PAPPA2: variants seen among roughly 807,000 people sequenced by gnomAD.
PAPPA2 encodes the protein pappalysin 2, also known as pappalysin-2.
In PAPPA2, 86 loss-of-function variants were observed where a neutral mutation model predicts 176.4. That is an observed-to-expected ratio of 0.49 (90% CI 0.41 to 0.58). PAPPA2 has a LOEUF of 0.58. PAPPA2 is among the 20% of genes least tolerant of loss of function. The pLI, the probability that PAPPA2 is intolerant of heterozygous loss-of-function variation, is 0.00. For synonymous variants in PAPPA2, 809 were observed against 852.2 expected (o/e 0.95, Z 0.88); for missense variants, 2,073 against 2,256.9 (o/e 0.92, Z 1.65).
Position 176,485,786 on chromosome 1 carries a change from CA to C in PAPPA2, c.-917+22372del, listed in dbSNP as rs1201244363. 2.0e-5 allele frequency among the ~76,000 whole-genome samples: 3 copies of C among 152,026 alleles called. No homozygotes were observed. In the East Asian group the frequency reaches 5.8e-4, roughly 29 times the overall value. On this transcript the variant is annotated intron_variant, in intron 1 of 22. Transcript: ENST00000367662. ...ATTGGGAATTTGAAAATTAAACTGA[CA>C]AAAGACAGATTAACAAGAGGAAAGG...
At chr1:176,591,578 G>C (rs1418856661) in intron 2 of PAPPA2, among the ~76,000 whole-genome samples, 1 of 152,030 alleles carries the variant, frequency 6.6e-6, no homozygotes, top group African/African-American at 2.4e-5. Context: ...ATAATTATTT[G>C]ATCACTATAG....
intron 21 of PAPPA2, among the ~76,000 whole-genome samples, chr1:176,820,104 T>G (rs148250238): frequency 6.6e-6 from 1 of 151,868 alleles, no homozygotes; most frequent in South Asian, 2.1e-4. Flanking sequence ...AAACAGCAAA[T>G]AAGTCTTTGG....
chr1:176,739,924 T>G, intron 13 of PAPPA2, 56 bp from the exon 14 acceptor site: 2 of 1,594,858 alleles, frequency 1.3e-6, no homozygotes, highest in Non-Finnish European at 1.7e-6. Context: ...ATACAAGATA[T>G]GGAAACATGG....
At chr1:176,705,515 T>C (rs574138276) in intron 9 of PAPPA2, among the ~76,000 whole-genome samples, 1 of 152,120 alleles carries the variant, frequency 6.6e-6, no homozygotes, top group African/African-American at 2.4e-5. Flanking sequence ...ATTTTGAGCA[T>C]GAAAAAAGTC....
rs1187383843 is a variant in PAPPA2 at position 176,843,489 on chromosome 1, CT to C, written c.*1036del. Reference sequence around the variant, plus strand: ...CCACACATGCCTGTTCCAAGTGTGGCTGTCAGCCAGTCAACAAGTTTGTACT... The same window carrying C: ...CCACACATGCCTGTTCCAAGTGTGGCGTCAGCCAGTCAACAAGTTTGTACT... On this transcript the variant is annotated 3_prime_UTR_variant, in exon 23 of 23. Transcript: ENST00000367662. 6.6e-6 allele frequency: 1 copy of C among 152,164 alleles called. No individual in the cohort carries two copies. The highest frequency in any genetic ancestry group is 2.4e-5 in the African/African-American group (1 of 41,436). 9.4% of individuals were successfully genotyped at this position (152,164 alleles called of 1,614,324 possible).
intron 14 of PAPPA2, among the ~76,000 whole-genome samples, chr1:176,756,415 A>T (rs1321060586): frequency 2.6e-5 from 4 of 152,204 alleles, no homozygotes; most frequent in Non-Finnish European, 4.4e-5. Flanking sequence ...GCGGACTGGC[A>T]AAGTTCAGAC....
In PAPPA2 at chr1:176,556,189, G is replaced by A. The variant is rs1003331024; in HGVS notation, c.-134G>A. 9.2e-6 allele frequency: 10 copies of A among 1,087,132 alleles called. No individual in the cohort carries two copies. The highest frequency in any genetic ancestry group is 1.3e-5 in the Non-Finnish European group (10 of 757,616). 67.3% of individuals were successfully genotyped at this position (1,087,132 alleles called of 1,614,324 possible). ...GGCATTCTTGGGGCTATTTGAAAAA[G>A]TTTGGTCTGTGAACAAAACAGTTTC... On this transcript the variant is annotated 5_prime_UTR_variant, in exon 2 of 23. Transcript: ENST00000367662.
chr1:176,836,611 C>T (rs548715798), intron 21 of PAPPA2: 1 of 152,200 alleles, frequency 6.6e-6, no homozygotes, highest in South Asian at 2.1e-4. Flanking sequence ...GACCACTCAC[C>T]CTTCTATTTC....
intron 17 of PAPPA2, among the ~76,000 whole-genome samples, chr1:176,786,263 C>G (rs1438481319): frequency 1.3e-5 from 2 of 152,114 alleles, no homozygotes; most frequent in African/African-American, 2.4e-5. Flanking sequence ...AAAGAAGAAA[C>G]TTACTAAGCA....
chr1:176,501,307 GTC>G (rs1358994825), intron 1 of PAPPA2, among the ~76,000 whole-genome samples: 1 of 151,978 alleles, frequency 6.6e-6, no homozygotes, highest in Non-Finnish European at 1.5e-5. Context: ...TTAACAATTA[GTC>G]TCTATTATTT....
chr1:176,733,126 C>A (rs1276224833), intron 12 of PAPPA2, among the ~76,000 whole-genome samples: 4 of 152,158 alleles, frequency 2.6e-5, no homozygotes, highest in African/African-American at 9.7e-5. Context: ...TCCCTCCACC[C>A]CCATCTGTGG....
chr1:176,475,386 C>A (rs1479625337), intron 1 of PAPPA2, among the ~76,000 whole-genome samples: 1 of 152,156 alleles, frequency 6.6e-6, no homozygotes, highest in African/African-American at 2.4e-5. Context: ...AAAGAAAAAG[C>A]CCAGATTCTC....
At chr1:176,795,789 C>T (rs1665401417) in intron 20 of PAPPA2, among the ~76,000 whole-genome samples, 1 of 152,128 alleles carries the variant, frequency 6.6e-6, no homozygotes. Context: ...TGAGATTTTC[C>T]TGTGGATACA....
chr1:176,604,799 A>G (rs1430134918), intron 3 of PAPPA2, among the ~76,000 whole-genome samples: 1 of 152,248 alleles, frequency 6.6e-6, no homozygotes, highest in African/African-American at 2.4e-5. Flanking sequence ...TAGTGTATAC[A>G]TATAAATATA....
chr1:176,663,379 G>A (rs1193590863), intron 3 of PAPPA2, among the ~76,000 whole-genome samples: 2 of 152,070 alleles, frequency 1.3e-5, no homozygotes, highest in African/African-American at 4.8e-5. Flanking sequence ...TTAGCCCCCT[G>A]CCAAGTCTGA....
At chr1:176,552,203 T>A (rs756297233) in intron 1 of PAPPA2, among the ~76,000 whole-genome samples, 59 of 152,054 alleles carry the variant, frequency 3.9e-4, no homozygotes, top group Non-Finnish European at 7.4e-4. Flanking sequence ...TTTTTCTTCC[T>A]GTTTCATTCT....
intron 1 of PAPPA2, among the ~76,000 whole-genome samples, chr1:176,490,293 G>T (rs920619640): frequency 6.6e-6 from 1 of 152,094 alleles, no homozygotes; most frequent in Non-Finnish European, 1.5e-5. Context: ...CCTTCCAGGG[G>T]AATTTAATAA....
At chr1:176,492,383 T>C (rs1170502020) in intron 1 of PAPPA2, among the ~76,000 whole-genome samples, 1 of 152,244 alleles carries the variant, frequency 6.6e-6, no homozygotes, top group Non-Finnish European at 1.5e-5. Context: ...GTTTTGATGT[T>C]GATGATATTC....
chr1:176,545,206 A>T (rs1650568057), intron 1 of PAPPA2, among the ~76,000 whole-genome samples: 7 of 152,100 alleles, frequency 4.6e-5, no homozygotes, highest in Admixed American at 4.6e-4. Context: ...GCTTTCCAAA[A>T]GTCACCTCCT....
Sources: gnomAD v4.1 joint callset for allele counts (sites outside exome capture counted in the v4.1 genomes callset) on GRCh38, gnomAD v4.1.1 for gene constraint, MANE v1.5 for transcripts, NCBI Gene and HGNC (gene_info 2026-07-23, HGNC 2026-07-21) for gene names.